RGS21: variants seen among roughly 807,000 people sequenced by gnomAD.
The protein encoded by RGS21 is regulator of G protein signaling 21, also known as regulator of G-protein signalling 21.
Under a neutral mutation model 18.7 loss-of-function variants are expected in RGS21, and 19 were observed. That is an observed-to-expected ratio of 1.01 (90% confidence interval 0.71 to 1.49). The LOEUF is 1.49. Among genes scored for constraint, RGS21 ranks in the 40% most tolerant of loss-of-function variants. RGS21 has a pLI of 0.00. For missense variants in RGS21, 194 were observed against 176.8 expected (o/e 1.10, Z -0.55); for synonymous variants, 56 against 57.8 (o/e 0.97, Z 0.14).
In RGS21 at chr1:192,347,684, C is replaced by A. The variant is rs1373695939; in HGVS notation, c.88+295C>A. 2.6e-5 allele frequency among the ~76,000 whole-genome samples: 4 copies of A among 152,106 alleles called. No homozygotes were observed. In the East Asian group the frequency reaches 7.7e-4, roughly 29 times the overall value. On this transcript the variant is annotated intron_variant, in intron 3 of 4. Transcript: ENST00000417209. ...ATTATTTTTTATTTTAATACAGAGTCTCACTCTCTCTCTCTATCAGGCTGG... is the reference window on the plus strand; with the variant it reads ...ATTATTTTTTATTTTAATACAGAGTATCACTCTCTCTCTCTATCAGGCTGG...
intron 1 of RGS21, among the ~76,000 whole-genome samples, chr1:192,340,629 G>T (rs529826219): frequency 4.6e-5 from 7 of 151,944 alleles, no homozygotes; most frequent in Admixed American, 3.9e-4. Context: ...AGAGTCCAGG[G>T]GACATGTATT....
At chr1:192,344,347 CA>C (rs1198602748) in intron 2 of RGS21, among the ~76,000 whole-genome samples, 7 of 152,052 alleles carry the variant, frequency 4.6e-5, no homozygotes, top group African/African-American at 1.7e-4. Flanking sequence ...TGGGTTAAAG[CA>C]GACAAACTTG....
intron 4 of RGS21, among the ~76,000 whole-genome samples, chr1:192,353,730 A>G (rs9645337): frequency 0.17 from 26,401 of 151,502 alleles, 2,673 homozygotes; most frequent in South Asian, 0.3. Flanking sequence ...TTCTTCCAAA[A>G]TTAATTTATA....
At chr1:192,339,629 G>A (rs184035737) in intron 1 of RGS21, among the ~76,000 whole-genome samples, 3 of 151,940 alleles carry the variant, frequency 2.0e-5, no homozygotes, top group East Asian at 1.9e-4. Flanking sequence ...CTGCACAGAC[G>A]TAATACCAAT....
At chr1:192,361,757 G>A (rs115860570) in intron 4 of RGS21, among the ~76,000 whole-genome samples, 280 of 152,138 alleles carry the variant, frequency 1.8e-3, no homozygotes, top group African/African-American at 6.4e-3. Flanking sequence ...TGTTGGATCT[G>A]GCTGGTCTTT....
At chr1:192,331,203 G>A (rs138053418) in intron 1 of RGS21, among the ~76,000 whole-genome samples, 175 of 152,104 alleles carry the variant, frequency 1.2e-3, no homozygotes, top group Non-Finnish European at 1.7e-3. Context: ...TTTCTCCCTC[G>A]TTTCTGGATC....
At chr1:192,360,822 C>A (rs1019791188) in intron 4 of RGS21, among the ~76,000 whole-genome samples, 1 of 152,126 alleles carries the variant, frequency 6.6e-6, no homozygotes, top group Non-Finnish European at 1.5e-5. Flanking sequence ...CATAATACTA[C>A]TTGAAAAACC....
intron 4 of RGS21, among the ~76,000 whole-genome samples, chr1:192,353,146 G>C (rs1045241191): frequency 2.0e-5 from 3 of 151,918 alleles, no homozygotes; most frequent in African/African-American, 7.2e-5. Context: ...GGTATGAGAG[G>C]ATGGTTGTAC....
Position 192,321,065 on chromosome 1 carries a change from G to A in RGS21, c.-61+3960G>A, listed in dbSNP as rs147768672. 1.5e-4 allele frequency among the ~76,000 whole-genome samples: 23 copies of A among 151,914 alleles called. No individual in the cohort carries two copies. In the East Asian group the frequency reaches 4.5e-3, roughly 29 times the overall value. On this transcript the variant is annotated intron_variant, in intron 1 of 4. Coordinates refer to ENST00000417209, the MANE Select transcript of RGS21 (RefSeq NM_001039152.3). ...TTTGAATTTGAATTTTCAGTTTAAT[G>A]AAGAAATATCCTAATATTTAAATTC...
chr1:192,320,706 T>C (rs1271303124), intron 1 of RGS21, among the ~76,000 whole-genome samples: 1 of 152,042 alleles, frequency 6.6e-6, no homozygotes, highest in Non-Finnish European at 1.5e-5. Flanking sequence ...TTAATTTAAC[T>C]TCCTACTGCT....
At chr1:192,336,431 G>C (rs1658769422) in intron 1 of RGS21, among the ~76,000 whole-genome samples, 1 of 152,046 alleles carries the variant, frequency 6.6e-6, no homozygotes, top group Admixed American at 6.6e-5. Flanking sequence ...CTCAGCATGG[G>C]CAACAAGACT....
At chr1:192,334,372 A>G (rs1308907292) in intron 1 of RGS21, among the ~76,000 whole-genome samples, 1 of 152,164 alleles carries the variant, frequency 6.6e-6, no homozygotes, top group Non-Finnish European at 1.5e-5. Flanking sequence ...AGTATTTTCT[A>G]CTAACATTCT....
intron 4 of RGS21, among the ~76,000 whole-genome samples, chr1:192,364,800 C>A (rs984069206): frequency 6.6e-6 from 1 of 152,040 alleles, no homozygotes; most frequent in Non-Finnish European, 1.5e-5. Flanking sequence ...AAGACAGATA[C>A]AGAACCCGCC....
intron 4 of RGS21, among the ~76,000 whole-genome samples, chr1:192,355,265 G>C (rs1318491731): frequency 6.6e-6 from 1 of 151,654 alleles, no homozygotes; most frequent in Non-Finnish European, 1.5e-5. Context: ...GAGATAGTGT[G>C]TCTAGGGTTT....
intron 1 of RGS21, among the ~76,000 whole-genome samples, chr1:192,339,703 T>C (rs1285478974): frequency 6.6e-6 from 1 of 152,100 alleles, no homozygotes; most frequent in Non-Finnish European, 1.5e-5. Context: ...CAGCATACTA[T>C]ACTTTTTAAA....
chr1:192,355,789 T>C (rs1659103404), intron 4 of RGS21, among the ~76,000 whole-genome samples: 1 of 151,146 alleles, frequency 6.6e-6, no homozygotes, highest in Admixed American at 6.6e-5. Flanking sequence ...TATTTTCATA[T>C]TCAGCTAAGA....
At chr1:192,340,797 G>T (rs1400982776) in intron 1 of RGS21, among the ~76,000 whole-genome samples, 1 of 152,048 alleles carries the variant, frequency 6.6e-6, no homozygotes, top group African/African-American at 2.4e-5. Context: ...AGAGAAAGAG[G>T]CAACCAAAAG....
chr1:192,336,031 T>TG (rs1312342437), intron 1 of RGS21, among the ~76,000 whole-genome samples: 1 of 152,212 alleles, frequency 6.6e-6, no homozygotes, highest in Admixed American at 6.5e-5. Flanking sequence ...ATTAACAACT[T>TG]GCGTAATGCT....
intron 1 of RGS21, among the ~76,000 whole-genome samples, chr1:192,327,835 G>A (rs956581476): frequency 1.3e-5 from 2 of 152,076 alleles, no homozygotes; most frequent in African/African-American, 2.4e-5. Flanking sequence ...GTAATAAACC[G>A]AGCATTTAGT....
Sources: allele counts gnomAD v4.1 joint callset (sites outside exome capture counted in the v4.1 genomes callset), GRCh38; gene constraint gnomAD v4.1.1; transcripts MANE v1.5; gene names NCBI Gene and HGNC (gene_info 2026-07-23, HGNC 2026-07-21).